The following ARID1B variants were observed in gnomAD, a reference collection of about 807,000 sequenced individuals.
ARID1B encodes AT-rich interactive domain-containing protein 1B.
A neutral mutation model predicts 212.3 loss-of-function variants in ARID1B; 30 were observed. The observed-to-expected ratio is 0.14, with a 90% CI of 0.11 to 0.19. The LOEUF (loss-of-function observed/expected upper bound fraction) is 0.19. Among genes scored for constraint, ARID1B ranks in the 10% least tolerant of loss-of-function variants. The probability of loss-of-function intolerance (pLI) is 1.00; values close to 1 mark genes in which losing one functional copy is unlikely to be tolerated. For missense variants in ARID1B, 2,891 were observed against 3,204.0 expected (o/e 0.90, Z 2.36); for synonymous variants, 1,402 against 1,301.7 (o/e 1.08, Z -1.66).
intron 7 of ARID1B, among the ~76,000 whole-genome samples, chr6:157,138,195 C>T (rs1461428513): frequency 2.9e-5 from 4 of 139,662 alleles, no homozygotes; most frequent in Admixed American, 6.9e-5. Context: ...TTCAGAACCT[C>T]CATCTTTGGT....
chr6:157,166,950 C>A (rs1791365899), intron 8 of ARID1B, 90 bp from the exon 9 acceptor site: 1 of 1,508,176 alleles, frequency 6.6e-7, no homozygotes, highest in Non-Finnish European at 8.9e-7. Flanking sequence ...CCACCCCTTA[C>A]ATAAATGCAT....
rs115933641 is a variant in ARID1B at position 156,922,940 on chromosome 6, G to A, written c.2137-12526G>A. ...CTGTGGCCCTCCAGGTCTGTGGCTC[G>A]TGTGCCGGAAGTAGTCTGCTTCTTG... On this transcript the variant is annotated intron_variant, in intron 3 of 19. Transcript: ENST00000636930. Among the ~76,000 whole-genome samples, 370 of 152,290 alleles carry A rather than the reference G, an allele frequency of 2.4e-3. 1 individual carries two copies. The highest frequency in any genetic ancestry group is 8.3e-3 in the African/African-American group (347 of 41,558).
chr6:156,823,160 G>T (rs2128023364), intron 1 of ARID1B, among the ~76,000 whole-genome samples: 1 of 152,268 alleles, frequency 6.6e-6, no homozygotes. Flanking sequence ...AGTCCGCTGT[G>T]TTGGTGTGTT....
At chr6:156,989,010 CAG>C (rs1199847680) in intron 4 of ARID1B, among the ~76,000 whole-genome samples, 1 of 152,214 alleles carries the variant, frequency 6.6e-6, no homozygotes, top group Non-Finnish European at 1.5e-5. Flanking sequence ...CATGTTGTCA[CAG>C]GGATCTACCA....
At chr6:156,842,214 G>A (rs1233401842) in intron 2 of ARID1B, among the ~76,000 whole-genome samples, 1 of 152,124 alleles carries the variant, frequency 6.6e-6, no homozygotes, top group Non-Finnish European at 1.5e-5. Context: ...CCTCTGTCTA[G>A]TTCCAACATT....
At chr6:157,009,447 T>C (rs965703558) in intron 4 of ARID1B, among the ~76,000 whole-genome samples, 1 of 152,200 alleles carries the variant, frequency 6.6e-6, no homozygotes, top group African/African-American at 2.4e-5. Context: ...AACTAGGTGA[T>C]AGTACTGAAT....
chr6:157,011,041 G>GT (rs981729345), intron 4 of ARID1B, among the ~76,000 whole-genome samples: 18 of 152,092 alleles, frequency 1.2e-4, no homozygotes, highest in African/African-American at 3.6e-4. Flanking sequence ...TGTTTTTTAA[G>GT]TTTTTTTGGT....
intron 16 of ARID1B, among the ~76,000 whole-genome samples, chr6:157,196,652 C>T (rs1473048633): frequency 1.3e-5 from 2 of 152,266 alleles, no homozygotes; most frequent in African/African-American, 2.4e-5. Flanking sequence ...AGACATGGCT[C>T]GCCTGGAGCT....
At chr6:157,058,717 C>T (rs966790370) in intron 4 of ARID1B, among the ~76,000 whole-genome samples, 2 of 152,226 alleles carry the variant, frequency 1.3e-5, no homozygotes, top group Admixed American at 1.3e-4. Flanking sequence ...CTCACTCACC[C>T]GTGCTGGGTG....
intron 2 of ARID1B, among the ~76,000 whole-genome samples, chr6:156,836,863 C>T (rs555545092): frequency 6.6e-6 from 1 of 152,140 alleles, no homozygotes; most frequent in African/African-American, 2.4e-5. Context: ...CAGGGTTTTG[C>T]CATGTAGCCC....
intron 1 of ARID1B, among the ~76,000 whole-genome samples, chr6:156,825,462 T>C (rs1782675708): frequency 6.6e-6 from 1 of 152,216 alleles, no homozygotes; most frequent in Non-Finnish European, 1.5e-5. Context: ...ATTTTTGACA[T>C]GGTGCAAATT....
chr6:157,062,706 A>ATAT lies in ARID1B; in HGVS notation c.2248-21955_2248-21954insATT, dbSNP rs1409771405. The stretch of plus-strand genomic sequence containing the variant: ...TATGTTTTAAAATATATATATATAT[A>ATAT]TTTTTTTTTTTTTTGAGATGGAGTT... On this transcript the variant is annotated intron_variant, in intron 4 of 19. Transcript: ENST00000636930. Among the ~76,000 whole-genome samples, 270 of 135,994 alleles carry ATAT rather than the reference A, an allele frequency of 2.0e-3. 2 individuals carry two copies. The highest frequency in any genetic ancestry group is 6.0e-3 in the African/African-American group (213 of 35,630). The allele number at this position is 135,994 out of a possible 152,430, so 89.2% of individuals were successfully genotyped here.
intron 5 of ARID1B, among the ~76,000 whole-genome samples, chr6:157,107,023 C>T (rs986738152): frequency 7.2e-5 from 11 of 152,188 alleles, no homozygotes; most frequent in African/African-American, 2.7e-4. Context: ...CCAAAAAATA[C>T]TTAACCAACT....
chr6:156,850,900 T>C (rs976868776), intron 2 of ARID1B, among the ~76,000 whole-genome samples: 3 of 152,194 alleles, frequency 2.0e-5, no homozygotes, highest in Non-Finnish European at 4.4e-5. Flanking sequence ...TAAAGGAATA[T>C]GAAAGTCACA....
intron 2 of ARID1B, among the ~76,000 whole-genome samples, chr6:156,871,125 G>A (rs1257307763): frequency 1.3e-5 from 2 of 152,192 alleles, no homozygotes; most frequent in Non-Finnish European, 2.9e-5. Flanking sequence ...TAAGACTGCT[G>A]TCATCGTTTC....
At chr6:156,821,464 A>G (rs533438396) in intron 1 of ARID1B, among the ~76,000 whole-genome samples, 1 of 152,258 alleles carries the variant, frequency 6.6e-6, no homozygotes, top group Non-Finnish European at 1.5e-5. Flanking sequence ...AGTAATACCA[A>G]TGGGTATAAA....
At chr6:156,966,896 C>T (rs1468463780) in intron 4 of ARID1B, among the ~76,000 whole-genome samples, 1 of 151,760 alleles carries the variant, frequency 6.6e-6, no homozygotes, top group Non-Finnish European at 1.5e-5. Flanking sequence ...GATGGGGTTT[C>T]TCCGTGTTGG....
intron 5 of ARID1B, among the ~76,000 whole-genome samples, chr6:157,087,606 T>C (rs556288852): frequency 1.3e-5 from 2 of 152,348 alleles, no homozygotes; most frequent in East Asian, 1.9e-4. Flanking sequence ...TGACAATTAC[T>C]GTTCAGAGTT....
At chr6:156,893,290 T>C in intron 2 of ARID1B, among the ~76,000 whole-genome samples, 1 of 152,210 alleles carries the variant, frequency 6.6e-6, no homozygotes, top group East Asian at 1.9e-4. Context: ...CCGTCCGAAG[T>C]GCTGGGATTA....
Sources: gnomAD v4.1 joint callset for allele counts (sites outside exome capture counted in the v4.1 genomes callset) on GRCh38, gnomAD v4.1.1 for gene constraint, MANE v1.5 for transcripts, NCBI Gene and HGNC (gene_info 2026-07-23, HGNC 2026-07-21) for gene names.